The following MICAL2 variants were observed in gnomAD, a reference collection of about 807,000 sequenced individuals.
MICAL2 encodes the protein microtubule associated monooxygenase, calponin and LIM domain containing 2.
In MICAL2, 77 loss-of-function variants were observed where a neutral mutation model predicts 127.3. That is an observed-to-expected ratio of 0.60 (90% CI 0.50 to 0.73). MICAL2 has a LOEUF of 0.73. Among genes scored for constraint, MICAL2 ranks in the 30% least tolerant of loss-of-function variants. The probability of loss-of-function intolerance (pLI) is 0.00; values close to 1 mark genes in which losing one functional copy is unlikely to be tolerated. For missense variants in MICAL2, 1,351 were observed against 1,434.4 expected (o/e 0.94, Z 0.94); for synonymous variants, 570 against 551.1 (o/e 1.03, Z -0.48).
intron 15 of MICAL2, among the ~76,000 whole-genome samples, chr11:12,229,221 G>T (rs1460700525): frequency 1.3e-5 from 2 of 152,196 alleles, no homozygotes; most frequent in African/African-American, 4.8e-5. Context: ...CCCAGGAGCA[G>T]GATACTTCAT....
intron 3 of MICAL2, among the ~76,000 whole-genome samples, chr11:12,200,095 A>G (rs1860494063): frequency 6.6e-6 from 1 of 151,996 alleles, no homozygotes. Flanking sequence ...GAGGCCTCCT[A>G]AGTAGCAGGC....
upstream of MICAL2, among the ~76,000 whole-genome samples, chr11:12,274,933 C>A (rs1863708511): frequency 6.6e-6 from 1 of 151,836 alleles, no homozygotes; most frequent in Non-Finnish European, 1.5e-5. Context: ...CAGCAAGAGG[C>A]AGGGACGGAG....
intron 1 of MICAL2, among the ~76,000 whole-genome samples, chr11:12,123,832 A>C (rs1850699716): frequency 6.6e-6 from 1 of 152,166 alleles, no homozygotes; most frequent in Non-Finnish European, 1.5e-5. Flanking sequence ...TTTTCCTCTG[A>C]ACATGCCTTA....
At chr11:12,216,383 G>A (rs1856160103) in intron 8 of MICAL2, 64 bp downstream of exon 8, 1 of 1,247,978 alleles carries the variant, frequency 8.0e-7, no homozygotes, top group East Asian at 2.3e-5. Context: ...CAGCAGGTGT[G>A]AAGGCAGATG....
intron 1 of MICAL2, among the ~76,000 whole-genome samples, chr11:12,129,038 T>A (rs1851184387): frequency 6.6e-6 from 1 of 152,224 alleles, no homozygotes; most frequent in Non-Finnish European, 1.5e-5. Context: ...ATGTCCATCC[T>A]CTCTGCAGGA....
intron 1 of MICAL2, among the ~76,000 whole-genome samples, chr11:12,123,478 T>A (rs984594783): frequency 2.0e-5 from 3 of 152,152 alleles, no homozygotes; most frequent in Non-Finnish European, 4.4e-5. Context: ...TCAATGAAAG[T>A]TTTTTTGTTA....
At chr11:12,342,924 G>T (rs1271087681) in intron 32 of MICAL2, among the ~76,000 whole-genome samples, 1 of 152,206 alleles carries the variant, frequency 6.6e-6, no homozygotes, top group Non-Finnish European at 1.5e-5. Flanking sequence ...CTTACCGGGA[G>T]GGGGCAGGGA....
intron 1 of MICAL2, among the ~76,000 whole-genome samples, chr11:12,113,839 A>AG (rs141139439): frequency 0.017 from 2,512 of 151,964 alleles, 68 homozygotes; most frequent in African/African-American, 0.056. Flanking sequence ...CCCTGAGATG[A>AG]GGGGGGGCTA....
chr11:12,251,297 A>G (rs1375447741), intron 22 of MICAL2, among the ~76,000 whole-genome samples: 1 of 151,580 alleles, frequency 6.6e-6, no homozygotes, highest in Non-Finnish European at 1.5e-5. Context: ...AGTTAGTTAT[A>G]TCCTCACTCT....
intron 30 of MICAL2, among the ~76,000 whole-genome samples, chr11:12,322,123 G>A (rs1864306370): frequency 6.6e-6 from 1 of 152,072 alleles, no homozygotes; most frequent in Non-Finnish European, 1.5e-5. Context: ...GGAATAAATG[G>A]GATGATACAT....
intron 1 of MICAL2, among the ~76,000 whole-genome samples, chr11:12,134,008 G>A (rs920643633): frequency 1.3e-5 from 2 of 152,254 alleles, no homozygotes; most frequent in Admixed American, 6.5e-5. Context: ...AGTGTACTGA[G>A]GAGGTGGTGT....
intron 5 of MICAL2, 76 bp downstream of exon 5, chr11:12,208,215 G>A (rs540397584): frequency 2.5e-6 from 3 of 1,205,762 alleles, no homozygotes; most frequent in East Asian, 4.7e-5. Flanking sequence ...CTTCCAAAGG[G>A]TGTTTCTGTA....
At chr11:12,193,128 A>G (rs969467036) in intron 3 of MICAL2, among the ~76,000 whole-genome samples, 3 of 152,174 alleles carry the variant, frequency 2.0e-5, no homozygotes, top group Admixed American at 6.5e-5. Context: ...TGCAGGCCTG[A>G]ATTAAATCAT....
rs370153662 is a variant in MICAL2 at position 12,259,828 on chromosome 11, C to A, written c.3265C>A (p.Arg1089=). The A allele has an allele frequency of 6.3e-7, 1 of 1,581,716 alleles. No homozygotes were observed. The highest frequency in any genetic ancestry group is 1.3e-5 in the African/African-American group (1 of 74,264). The part of the protein sequence containing the change: ...EATWQEQEAP[R]RDTPTESSCA... Reference sequence around the variant, plus strand: ...AACATGGCAAGAGCAGGAAGCCCCTCGGAGAGACACTCCCACCGAAAGTTC... The same window carrying A: ...AACATGGCAAGAGCAGGAAGCCCCTAGGAGAGACACTCCCACCGAAAGTTC... Residue 1089 remains arginine, a synonymous_variant, in exon 26 of 28, where the codon CGG becomes AGG. Transcript: ENST00000683283.
chr11:12,221,924 C>T (rs1361970596), intron 10 of MICAL2, among the ~76,000 whole-genome samples, 165 bp downstream of exon 10: 1 of 152,218 alleles, frequency 6.6e-6, no homozygotes, highest in East Asian at 1.9e-4. Flanking sequence ...CCCAAGGATG[C>T]TTTCTCCATC....
At chr11:12,233,697 C>T (rs1408570894) in intron 15 of MICAL2, among the ~76,000 whole-genome samples, 2 of 151,940 alleles carry the variant, frequency 1.3e-5, no homozygotes, top group African/African-American at 2.4e-5. Context: ...ATTCTTAGGG[C>T]GGAAGAGCTG....
chr11:12,139,967 C>A (rs1852190787), intron 2 of MICAL2, among the ~76,000 whole-genome samples: 1 of 152,172 alleles, frequency 6.6e-6, no homozygotes, highest in Non-Finnish European at 1.5e-5. Context: ...AGGCTTGACC[C>A]AGGGCCAGGT....
At chr11:12,249,660 T>C (rs1861270694) in intron 22 of MICAL2, among the ~76,000 whole-genome samples, 1 of 152,180 alleles carries the variant, frequency 6.6e-6, no homozygotes, top group African/African-American at 2.4e-5. Context: ...CTGTGAGCCC[T>C]CTCTTCTGAG....
intron 30 of MICAL2, among the ~76,000 whole-genome samples, chr11:12,321,087 CAT>C (rs1590736544): frequency 6.6e-6 from 1 of 152,238 alleles, no homozygotes; most frequent in Admixed American, 6.5e-5. Flanking sequence ...ATGGCCCAAA[CAT>C]ATTGAAATAG....
Sources: gnomAD v4.1 joint callset for allele counts (sites outside exome capture counted in the v4.1 genomes callset) on GRCh38, gnomAD v4.1.1 for gene constraint, MANE v1.5 for transcripts, NCBI Gene and HGNC (gene_info 2026-07-23, HGNC 2026-07-21) for gene names.